Variants in RNF152 observed in about 807,000 individuals in gnomAD.
RNF152 encodes E3 ubiquitin-protein ligase RNF152.
A neutral mutation model predicts 12.7 loss-of-function variants in RNF152; 11 were observed. The ratio of observed to expected loss-of-function variants is 0.86; its 90% CI spans 0.54 to 1.43. RNF152 has a LOEUF of 1.43. Ranked by LOEUF, RNF152 falls within the 40% of genes most tolerant of loss-of-function variation. The pLI is 0.00. For synonymous variants in RNF152, 113 were observed against 120.3 expected (o/e 0.94, Z 0.40); for missense variants, 255 against 274.8 (o/e 0.93, Z 0.51).
rs1350353366 is a variant in RNF152 at position 61,811,718 on chromosome 18, T to G, written c.*4134A>C. ...TGAAGTTTGGATAGGATACTGGAAG[T>G]GAACAGGGATTTCATTAGGCTTTTT... On this transcript the variant is annotated 3_prime_UTR_variant, in exon 2 of 2. Transcript: ENST00000312828. The G allele has an allele frequency of 6.6e-6, 1 of 152,236 alleles. No homozygotes were observed. 9.4% of individuals were successfully genotyped at this position (152,236 alleles called of 1,614,324 possible).
chr18:61,815,992 G>T lies in RNF152; in HGVS notation c.472C>A (p.Arg158=), dbSNP rs375367742. 1 of 1,614,104 alleles carries T rather than the reference G, an allele frequency of 6.2e-7. No individual in the cohort carries two copies. Among genetic ancestry groups the T allele is most frequent in the Non-Finnish European group, 8.5e-7 (1 of 1,180,018 alleles). ...CAGGTGGAGCTTTTCACCACGCCCC[G>T]CCTGTCCTGCTCCTCCTCCACCGCC... ...QEAVEEEQDR[R]GVVKSSTWSG... is the part of the protein sequence containing the mutation. The change falls in exon 2 of 2, where the codon CGG becomes AGG. Residue 158 remains arginine (R), a synonymous_variant. Transcript: ENST00000312828.
At chr18:61,820,510 G>A (rs1181249130) in intron 1 of RNF152, among the ~76,000 whole-genome samples, 1 of 151,862 alleles carries the variant, frequency 6.6e-6, no homozygotes, top group Non-Finnish European at 1.5e-5. Flanking sequence ...GACTATGATT[G>A]ACTCTACTGA....
Position 61,825,194 on chromosome 18 carries a change from G to C in RNF152, c.-135-8596C>G, listed in dbSNP as rs57103248. On this transcript the variant is annotated intron_variant, in intron 1 of 1. Coordinates refer to ENST00000312828, the MANE Select transcript of RNF152 (RefSeq NM_173557.3). ...GAACCGGCGTTGCCATGGTAAACAAGAGTCCTACCCTCAAGGAGCCTGGAT... is the reference window on the plus strand; with the variant it reads ...GAACCGGCGTTGCCATGGTAAACAACAGTCCTACCCTCAAGGAGCCTGGAT... Among the ~76,000 whole-genome samples the C allele has an allele frequency of 2.2e-3, 328 of 152,314 alleles. 2 individuals are homozygous for C. Among genetic ancestry groups the C allele is most frequent in the African/African-American group, 7.4e-3 (308 of 41,556 alleles).
rs1908868115 is a variant in RNF152, at chr18:61,812,804, C to T, written c.*3048G>A. The stretch of plus-strand genomic sequence containing the variant: ...TATACTCATCCCTAAGTCAACCCTC[C>T]TTTCATTTTCCCAGAGAGGTAGATG... On this transcript the variant is annotated 3_prime_UTR_variant, in exon 2 of 2. Coordinates refer to ENST00000312828, the MANE Select transcript of RNF152 (RefSeq NM_173557.3). 6.6e-6 allele frequency: 1 copy of T among 152,126 alleles called. No individual in the cohort carries two copies. The highest frequency in any genetic ancestry group is 1.5e-5 in the Non-Finnish European group (1 of 68,018). 9.4% of individuals were successfully genotyped at this position (152,126 alleles called of 1,614,324 possible).
intron 1 of RNF152, among the ~76,000 whole-genome samples, chr18:61,883,416 A>G (rs1272846835): frequency 3.9e-5 from 6 of 152,170 alleles, no homozygotes; most frequent in Non-Finnish European, 5.9e-5. Flanking sequence ...CATTCCAAAA[A>G]GCAGATTCCT....
chr18:61,816,108 C>T lies in RNF152; in HGVS notation c.356G>A (p.Cys119Tyr), dbSNP rs1296383273. 2 of 1,614,186 alleles carry T rather than the reference C, an allele frequency of 1.2e-6. No homozygotes were observed. The highest frequency in any genetic ancestry group is 1.7e-5 in the Admixed American group (1 of 60,034). The change falls in exon 2 of 2, where the codon TGC becomes TAC. Residue 119 changes from cysteine to tyrosine, a missense_variant. Cys to Tyr is a radical substitution (Grantham distance 194, BLOSUM62 -2). Coordinates refer to ENST00000312828, the MANE Select transcript of RNF152 (RefSeq NM_173557.3). Reference protein sequence around the residue: ...ERALLPGDMGCRLLPGSQQKS... With the variant: ...ERALLPGDMGYRLLPGSQQKS... ...CTGCTGGCTCCCGGGCAGCAGGCGG[C>T]AGCCCATGTCTCCGGGCAGCAGCGC...
At chr18:61,843,481 TTGA>T (rs1239559563) in intron 1 of RNF152, among the ~76,000 whole-genome samples, 3 of 152,246 alleles carry the variant, frequency 2.0e-5, no homozygotes. Flanking sequence ...AAGCAGGGTC[TTGA>T]TGAGATATTT....
intron 1 of RNF152, among the ~76,000 whole-genome samples, chr18:61,852,206 A>AG (rs1296081828): frequency 1.3e-5 from 2 of 152,244 alleles, no homozygotes; most frequent in African/African-American, 4.8e-5. Context: ...TGGAAACATA[A>AG]GGACATAAGA....
intron 1 of RNF152, among the ~76,000 whole-genome samples, chr18:61,864,879 G>T (rs918105871): frequency 1.6e-4 from 24 of 152,314 alleles, no homozygotes; most frequent in African/African-American, 5.8e-4. Flanking sequence ...AATTAGCCAG[G>T]CGTGGTGGCG....
chr18:61,841,700 A>G (rs1910462234), intron 1 of RNF152, among the ~76,000 whole-genome samples: 1 of 152,258 alleles, frequency 6.6e-6, no homozygotes, highest in Non-Finnish European at 1.5e-5. Flanking sequence ...GTATAATTTC[A>G]TGGAGTGCAA....
At chr18:61,826,643 G>A (rs571265698) in intron 1 of RNF152, among the ~76,000 whole-genome samples, 14 of 152,054 alleles carry the variant, frequency 9.2e-5, no homozygotes, top group East Asian at 1.9e-4. Context: ...CTTTCCCTCC[G>A]CAACAGTTCT....
At chr18:61,843,327 C>T (rs8097540) in intron 1 of RNF152, among the ~76,000 whole-genome samples, 71,283 of 152,048 alleles carry the variant, frequency 0.47, 17,235 homozygotes, top group Non-Finnish European at 0.54. Context: ...ATATTAACAT[C>T]CTTCAGGATT....
At chr18:61,840,457 G>T (rs1280103128) in intron 1 of RNF152, among the ~76,000 whole-genome samples, 1 of 152,122 alleles carries the variant, frequency 6.6e-6, no homozygotes, top group Non-Finnish European at 1.5e-5. Context: ...GGGGTGGGGT[G>T]GGTATTCTGT....
At chr18:61,822,284 C>T (rs1465380184) in intron 1 of RNF152, among the ~76,000 whole-genome samples, 1 of 151,974 alleles carries the variant, frequency 6.6e-6, no homozygotes, top group Non-Finnish European at 1.5e-5. Context: ...TAAAACAGTA[C>T]ATAGTTACAT....
intron 1 of RNF152, among the ~76,000 whole-genome samples, chr18:61,866,802 C>G (rs1005962204): frequency 3.9e-5 from 6 of 152,176 alleles, no homozygotes; most frequent in African/African-American, 1.4e-4. Context: ...GCCCGCTGTC[C>G]CCACCGCTGA....
At chr18:61,857,216 C>A (rs969833195) in intron 1 of RNF152, among the ~76,000 whole-genome samples, 2 of 152,174 alleles carry the variant, frequency 1.3e-5, no homozygotes, top group African/African-American at 4.8e-5. Flanking sequence ...GGAGAAAGTG[C>A]AGACACTTTT....
chr18:61,879,708 A>G (rs1157877011), intron 1 of RNF152, among the ~76,000 whole-genome samples: 1 of 152,164 alleles, frequency 6.6e-6, no homozygotes, highest in African/African-American at 2.4e-5. Context: ...TCACACCTGT[A>G]ATCCCAGCAC....
At chr18:61,856,582 T>C (rs973529475) in intron 1 of RNF152, among the ~76,000 whole-genome samples, 2 of 152,230 alleles carry the variant, frequency 1.3e-5, no homozygotes, top group Non-Finnish European at 2.9e-5. Context: ...TGGCTATTCC[T>C]GGGAGTTGAT....
In RNF152 at chr18:61,808,473, A is replaced by T. The variant is rs1317555826; in HGVS notation, c.*7379T>A. Reference sequence around the variant, plus strand: ...AAACACATCAAGGATTTGAGTTAATAGCCTCTGAGCAGCATTAATATAGCC... The same window carrying T: ...AAACACATCAAGGATTTGAGTTAATTGCCTCTGAGCAGCATTAATATAGCC... On this transcript the variant is annotated 3_prime_UTR_variant, in exon 2 of 2. Coordinates refer to ENST00000312828, the MANE Select transcript of RNF152 (RefSeq NM_173557.3). 1 of 150,838 alleles carries T rather than the reference A, an allele frequency of 6.6e-6. No homozygotes were observed. The highest frequency in any genetic ancestry group is 2.4e-5 in the African/African-American group (1 of 40,968). 9.3% of individuals were successfully genotyped at this position (150,838 alleles called of 1,614,324 possible).
Sources: allele counts gnomAD v4.1 joint callset (sites outside exome capture counted in the v4.1 genomes callset), GRCh38; gene constraint gnomAD v4.1.1; transcripts MANE v1.5; gene names NCBI Gene and HGNC (gene_info 2026-07-23, HGNC 2026-07-21).